RYR1: variants seen among roughly 807,000 people sequenced by gnomAD.
RYR1 encodes the protein central core disease of muscle.
In RYR1, 342 loss-of-function variants were observed where a neutral mutation model predicts 583.5. The ratio of observed to expected loss-of-function variants is 0.59; its 90% confidence interval spans 0.54 to 0.64. The LOEUF (loss-of-function observed/expected upper bound fraction) is 0.64, where lower values mean the gene tolerates loss of function less well. Ranked by LOEUF, RYR1 falls within the 30% of genes least tolerant of loss-of-function variation. The pLI, the probability that RYR1 is intolerant of heterozygous loss-of-function variation, is 0.00. For synonymous variants in RYR1, 2,791 were observed against 2,822.5 expected (o/e 0.99, Z 0.35); for missense variants, 6,032 against 6,917.2 (o/e 0.87, Z 4.54).
At chr19:38,433,918 GCTCT>G (rs1456045076) in intron 1 of RYR1, 44 bp downstream of exon 1, 1 of 1,541,406 alleles carries the variant, frequency 6.5e-7, no homozygotes, top group East Asian at 2.2e-5. Flanking sequence ...ATCTCTTGGG[GCTCT>G]CTGAGGGTCT....
chr19:38,536,226 T>G, intron 82 of RYR1, among the ~76,000 whole-genome samples, 156 bp downstream of exon 82: 1 of 107,022 alleles, frequency 9.3e-6, no homozygotes, highest in Admixed American at 1.1e-4. Flanking sequence ...GGTCCCCCAG[T>G]CCCACCCCCT....
In RYR1 at chr19:38,463,817, A is replaced by C. The variant is rs775780413; in HGVS notation, c.2753A>C (p.Asn918Thr). 5 of 1,613,868 alleles carry C rather than the reference A, an allele frequency of 3.1e-6. No individual in the cohort carries two copies. In the South Asian group the frequency reaches 5.5e-5, roughly 18 times the overall value. The change falls in exon 22 of 106, where the codon AAC becomes ACC. Residue 918 changes from asparagine (N) to threonine (T), a missense_variant. By Grantham distance (65) the Asn-to-Thr change is moderately conservative. Transcript: ENST00000359596. ...DFHSLPEPER[N>T]YNLQMSGETL... ...CACAGCCTTCCAGAGCCTGAGAGGA[A>C]CTACAACCTGCAGATGTCTGGGGAG...
intron 69 of RYR1, 196 bp downstream of exon 69, chr19:38,523,505 C>T (rs1438107988): frequency 1.6e-6 from 1 of 642,086 alleles, no homozygotes; most frequent in Non-Finnish European, 2.8e-6. Context: ...CTCCCTCCTC[C>T]CATCTCCCTC....
chr19:38,523,435 G>T, intron 69 of RYR1, 126 bp downstream of exon 69: 1 of 1,058,766 alleles, frequency 9.4e-7, no homozygotes, highest in Non-Finnish European at 1.4e-6. Context: ...CCTCAGAGCA[G>T]CCCCTCTTAC....
In RYR1 at chr19:38,572,273, G is replaced by A. The variant is rs765404523; in HGVS notation, c.13998+3G>A. The A allele has an allele frequency of 1.3e-4, 205 of 1,612,538 alleles. No individual in the cohort carries two copies. The highest frequency in any genetic ancestry group is 1.7e-4 in the Non-Finnish European group (200 of 1,179,668). ...TCATTGGCTATAATTGTCTCAAGGT[G>A]GGCCCATGGCCATGGTTCTGGGGCA... On this transcript the variant is annotated splice_donor_region_variant and intron_variant, in intron 95 of 105. Transcript: ENST00000359596.
At chr19:38,459,463 G>C (rs1329613559) in intron 19 of RYR1, 125 bp downstream of exon 19, 1 of 903,330 alleles carries the variant, frequency 1.1e-6, no homozygotes, top group African/African-American at 1.7e-5. Context: ...AGACTGACTG[G>C]TGTCCAGAAC....
intron 70 of RYR1, among the ~76,000 whole-genome samples, chr19:38,524,260 A>G (rs1971368764): frequency 6.7e-6 from 1 of 149,792 alleles, no homozygotes; most frequent in African/African-American, 2.5e-5. Context: ...GGTCAAGGGT[A>G]ATGGGGGTGG....
chr19:38,453,483 A>G (rs1197717106), intron 13 of RYR1, among the ~76,000 whole-genome samples: 1 of 151,932 alleles, frequency 6.6e-6, no homozygotes, highest in Non-Finnish European at 1.5e-5. Context: ...GTGCCGAGGC[A>G]GAAATAGATC....
chr19:38,491,516 C>T (rs1347424685), intron 37 of RYR1, among the ~76,000 whole-genome samples: 3 of 151,682 alleles, frequency 2.0e-5, no homozygotes, highest in Non-Finnish European at 4.4e-5. Flanking sequence ...GCATCCTCTG[C>T]CTCCTGGGCT....
chr19:38,443,268 C>G (rs1479475709), intron 3 of RYR1, among the ~76,000 whole-genome samples: 1 of 152,148 alleles, frequency 6.6e-6, no homozygotes, highest in African/African-American at 2.4e-5. Flanking sequence ...CGGGTTCATT[C>G]TCCTGAGTGA....
At chr19:38,586,381 G>A (rs1974489450) in intron 104 of RYR1, 144 bp from the exon 105 acceptor site, 1 of 1,082,338 alleles carries the variant, frequency 9.2e-7, no homozygotes, top group Non-Finnish European at 1.4e-6. Flanking sequence ...AGCACTTTGG[G>A]AGGCCAAGTG....
At chr19:38,531,333 G>A (rs1002358625) in intron 76 of RYR1, among the ~76,000 whole-genome samples, 3 of 151,876 alleles carry the variant, frequency 2.0e-5, no homozygotes, top group Non-Finnish European at 2.9e-5. Context: ...GCCGAGAAGG[G>A]TCTTTGTATC....
At chr19:38,502,423 C>T (rs1231308813) in intron 47 of RYR1, 84 bp from the exon 48 acceptor site, 26 of 1,318,032 alleles carry the variant, frequency 2.0e-5, no homozygotes, top group Non-Finnish European at 2.7e-5. Context: ...AAGCTTGGAT[C>T]CTTTGGCCAC....
chr19:38,586,050 G>T lies in RYR1; in HGVS notation c.14869-41G>T, dbSNP rs201878600. On this transcript the variant is annotated intron_variant, in intron 103 of 105. Coordinates refer to ENST00000359596, the MANE Select transcript of RYR1 (RefSeq NM_000540.3). ...CCAGAGGGATTACGGGATTCAGGGG[G>T]TCAAGTGGGCCTCCACTCTGATGTC... 358 of 1,613,982 alleles carry T rather than the reference G, an allele frequency of 2.2e-4. 2 individuals are homozygous for T. The African/African-American group carries it at 4.2e-3, about 19-fold the overall frequency.
intron 34 of RYR1, among the ~76,000 whole-genome samples, chr19:38,486,670 C>T (rs1368835695): frequency 1.3e-5 from 2 of 152,144 alleles, no homozygotes; most frequent in Non-Finnish European, 2.9e-5. Flanking sequence ...ATCCTCCCAC[C>T]ATCTCCCTAT....
intron 27 of RYR1, among the ~76,000 whole-genome samples, chr19:38,470,449 A>AT (rs1327057744): frequency 1.3e-5 from 2 of 151,218 alleles, no homozygotes; most frequent in Admixed American, 6.6e-5. Flanking sequence ...AAAAAAAAAA[A>AT]AAAAAAAGAG....
At chr19:38,477,642 T>A in intron 29 of RYR1, 68 bp from the exon 30 acceptor site, 1 of 1,610,304 alleles carries the variant, frequency 6.2e-7, no homozygotes, top group Non-Finnish European at 8.5e-7. Flanking sequence ...GAAACCAATT[T>A]CGAGTCCCAG....
Position 38,580,414 on chromosome 19 carries a change from C to T in RYR1, c.14556C>T (p.Tyr4852=). Residue 4852 remains tyrosine, a synonymous_variant, in exon 101 of 106, where the codon TAC becomes TAT. Transcript: ENST00000359596. The stretch of plus-strand genomic sequence containing the variant: ...TTCTGGCGGTGGTCGTCTACCTGTA[C>T]ACCGTGGTGGCCTTCAACTTCTTCC... ...VGLLAVVVYL[Y]TVVAFNFFRK... 1.2e-6 allele frequency: 2 copies of T among 1,614,056 alleles called. No homozygotes were observed. The highest frequency in any genetic ancestry group is 4.5e-5 in the East Asian group (2 of 44,860).
chr19:38,503,371 ACT>A (rs1171603452), intron 49 of RYR1, among the ~76,000 whole-genome samples: 1 of 152,166 alleles, frequency 6.6e-6, no homozygotes, highest in Admixed American at 6.5e-5. Flanking sequence ...ATATTTGCAC[ACT>A]GTCTCTCTTA....
Sources: allele counts gnomAD v4.1 joint callset (sites outside exome capture counted in the v4.1 genomes callset), GRCh38; gene constraint gnomAD v4.1.1; transcripts MANE v1.5; gene names NCBI Gene and HGNC (gene_info 2026-07-23, HGNC 2026-07-21).